PPP2R5E: variants seen among roughly 807,000 people sequenced by gnomAD.
PPP2R5E encodes the protein serine/threonine-protein phosphatase 2A 56 kDa regulatory subunit epsilon isoform.
Under a neutral mutation model 65.3 loss-of-function variants are expected in PPP2R5E, and 4 were observed. The ratio of observed to expected loss-of-function variants is 0.06; its 90% CI spans 0.03 to 0.14. The LOEUF (loss-of-function observed/expected upper bound fraction) is 0.14, where lower values mean the gene tolerates loss of function less well. Ranked by LOEUF, PPP2R5E falls within the 10% of genes least tolerant of loss-of-function variation. The pLI is 1.00. For missense variants in PPP2R5E, 274 were observed against 556.1 expected, an observed-to-expected ratio of 0.49 and a Z score of 5.10; for synonymous variants, 183 against 187.4, an observed-to-expected ratio of 0.98 and a Z score of 0.19.
chr14:63,373,028 T>A lies in PPP2R5E; in HGVS notation c.*2981A>T, dbSNP rs1250046826. 1.3e-5 allele frequency: 2 copies of A among 152,154 alleles called. No homozygotes were observed. The highest frequency in any genetic ancestry group is 4.8e-5 in the African/African-American group (2 of 41,434). The allele number at this position is 152,154 out of a possible 1,614,324, so 9.4% of individuals were successfully genotyped here. A position where few individuals can be genotyped will look rare whatever the true frequency, so the allele number is the denominator to read the frequency against. ...AACACTGAAGGAAAACAACTGGGGA[T>A]ACTTCACAATGAGAAACAGGAATGC... On this transcript the variant is annotated 3_prime_UTR_variant, in exon 14 of 14. Coordinates refer to ENST00000337537, the MANE Select transcript of PPP2R5E (RefSeq NM_006246.5).
At chr14:63,461,581 A>G (rs1301603235) in intron 2 of PPP2R5E, among the ~76,000 whole-genome samples, 1 of 151,698 alleles carries the variant, frequency 6.6e-6, no homozygotes, top group Admixed American at 6.6e-5. Flanking sequence ...GGATCGTTTA[A>G]AAGCCAGGTG....
rs1440825657 is a variant in PPP2R5E, at chr14:63,373,257, A to T, written c.*2752T>A. ...TCACTAACTACAATATTTGCTATTTAAAAAATATATTTATATATAGTTCTG... is the reference window on the plus strand; with the variant it reads ...TCACTAACTACAATATTTGCTATTTTAAAAATATATTTATATATAGTTCTG... On this transcript the variant is annotated 3_prime_UTR_variant, in exon 14 of 14. Transcript: ENST00000337537. 1 of 152,238 alleles carries T rather than the reference A, an allele frequency of 6.6e-6. No individual in the cohort carries two copies. Among genetic ancestry groups the T allele is most frequent in the Non-Finnish European group, 1.5e-5 (1 of 68,048 alleles). The allele number at this position is 152,238 out of a possible 1,614,324, so 9.4% of individuals were successfully genotyped here.
intron 4 of PPP2R5E, among the ~76,000 whole-genome samples, chr14:63,416,113 T>A (rs1334406491): frequency 6.6e-6 from 1 of 152,206 alleles, no homozygotes; most frequent in African/African-American, 2.4e-5. Context: ...AATAAGCCTA[T>A]GTCAAAGGCT....
chr14:63,407,735 A>G (rs1175089065), intron 5 of PPP2R5E, among the ~76,000 whole-genome samples: 1 of 152,170 alleles, frequency 6.6e-6, no homozygotes, highest in Non-Finnish European at 1.5e-5. Flanking sequence ...CTCCAATGAA[A>G]CAGTGTTGGG....
intron 2 of PPP2R5E, among the ~76,000 whole-genome samples, chr14:63,533,553 C>T (rs1403569128): frequency 6.6e-6 from 1 of 151,888 alleles, no homozygotes; most frequent in African/African-American, 2.4e-5. Flanking sequence ...AAGAGCTAAA[C>T]TCCGTCTAGT....
chr14:63,463,916 A>C (rs1433361874), intron 2 of PPP2R5E, among the ~76,000 whole-genome samples: 1 of 152,180 alleles, frequency 6.6e-6, no homozygotes, highest in Non-Finnish European at 1.5e-5. Flanking sequence ...TTTAAAATAA[A>C]CAGAATGGTT....
chr14:63,429,570 T>A (rs1887512794), intron 3 of PPP2R5E, among the ~76,000 whole-genome samples: 2 of 152,262 alleles, frequency 1.3e-5, no homozygotes, highest in African/African-American at 4.8e-5. Flanking sequence ...TAATTCATTA[T>A]GCATTAGAAA....
rs578202083 is a variant in PPP2R5E at position 63,390,075 on chromosome 14, C to CT, written c.955-345dup. ...GTAATCCAGCTCTCTTTCCACAACA[C>CT]TTTTTTTTTTAAAAAAAACAATGAG... On this transcript the variant is annotated intron_variant, in intron 10 of 13. Coordinates refer to ENST00000337537, the MANE Select transcript of PPP2R5E (RefSeq NM_006246.5). 1.0e-3 allele frequency among the ~76,000 whole-genome samples: 151 copies of CT among 149,398 alleles called. No homozygotes were observed. The Middle Eastern group carries it at 0.014, about 14-fold the overall frequency.
chr14:63,438,655 T>G (rs1019603669), intron 3 of PPP2R5E, among the ~76,000 whole-genome samples: 7 of 152,158 alleles, frequency 4.6e-5, no homozygotes, highest in African/African-American at 1.7e-4. Flanking sequence ...CAATTTTAAG[T>G]ATATTAAAAA....
At chr14:63,407,056 T>C (rs776379126) in intron 5 of PPP2R5E, among the ~76,000 whole-genome samples, 9 of 152,212 alleles carry the variant, frequency 5.9e-5, no homozygotes, top group Admixed American at 5.9e-4. Context: ...ATATGAACCA[T>C]GTGTTGGGAA....
Position 63,433,328 on chromosome 14 carries a change from G to A in PPP2R5E, c.355-11234C>T, listed in dbSNP as rs151121566. 3.7e-3 allele frequency among the ~76,000 whole-genome samples: 565 copies of A among 152,132 alleles called. 6 individuals carry two copies. Among genetic ancestry groups the A allele is most frequent in the African/African-American group, 0.013 (519 of 41,504 alleles). Reference sequence around the variant, plus strand: ...ATTGGGACTACAGGAGTGAGCCACTGTCTACAGTCATATTTAAAATAGGGG... The same window carrying A: ...ATTGGGACTACAGGAGTGAGCCACTATCTACAGTCATATTTAAAATAGGGG... On this transcript the variant is annotated intron_variant, in intron 3 of 13. Transcript: ENST00000337537.
chr14:63,479,236 C>G (rs997051246), intron 2 of PPP2R5E: 2 of 152,160 alleles, frequency 1.3e-5, no homozygotes, highest in African/African-American at 4.8e-5. Flanking sequence ...TCTGAGCTCT[C>G]TGGAAGATTA....
At chr14:63,496,068 T>TG (rs1566743848) in intron 2 of PPP2R5E, among the ~76,000 whole-genome samples, 1 of 152,152 alleles carries the variant, frequency 6.6e-6, no homozygotes, top group East Asian at 1.9e-4. Flanking sequence ...TTTTACATAT[T>TG]AAGTGTTGAA....
rs1422901164 is a variant in PPP2R5E, at chr14:63,373,823, A to G, written c.*2186T>C. 2 of 152,220 alleles carry G rather than the reference A, an allele frequency of 1.3e-5. No homozygotes were observed. 9.4% of individuals were successfully genotyped at this position (152,220 alleles called of 1,614,324 possible). On this transcript the variant is annotated 3_prime_UTR_variant, in exon 14 of 14. Coordinates refer to ENST00000337537, the MANE Select transcript of PPP2R5E (RefSeq NM_006246.5). Reference sequence around the variant, plus strand: ...ATGAATTAATGGCAAACAAAAGTTTACACTATATAAACTAAATATAATGCA... The same window carrying G: ...ATGAATTAATGGCAAACAAAAGTTTGCACTATATAAACTAAATATAATGCA...
intron 2 of PPP2R5E, among the ~76,000 whole-genome samples, chr14:63,478,839 T>C (rs1008356363): frequency 5.9e-5 from 9 of 152,088 alleles, no homozygotes; most frequent in Admixed American, 1.3e-4. Context: ...AAAGAAATCA[T>C]TGGCCGGGTA....
intron 2 of PPP2R5E, among the ~76,000 whole-genome samples, chr14:63,474,833 C>T (rs75510520): frequency 2.1e-4 from 32 of 152,214 alleles, no homozygotes; most frequent in African/African-American, 5.1e-4. Context: ...AACTCACCTA[C>T]GGCAAGAGTG....
rs1883819187 is a variant in PPP2R5E, at chr14:63,373,702, G to T, written c.*2307C>A. ...TGAAGACAGGGTAAGGTACAAAAAA[G>T]GATCCTGGCCTTTCTCATTTCAAAT... On this transcript the variant is annotated 3_prime_UTR_variant, in exon 14 of 14. Transcript: ENST00000337537. The T allele has an allele frequency of 6.6e-6, 1 of 152,146 alleles. No homozygotes were observed. Among genetic ancestry groups the T allele is most frequent in the Admixed American group, 6.5e-5 (1 of 15,270 alleles). 9.4% of individuals were successfully genotyped at this position (152,146 alleles called of 1,614,324 possible).
At chr14:63,391,917 C>G (rs765723703) in intron 9 of PPP2R5E, 50 bp from the exon 10 acceptor site, 102 of 1,606,090 alleles carry the variant, frequency 6.4e-5, no homozygotes, top group Non-Finnish European at 8.4e-5. Context: ...TTCATATATA[C>G]TTCTGGGAAA....
At chr14:63,520,059 G>A (rs981056611) in intron 2 of PPP2R5E, among the ~76,000 whole-genome samples, 5 of 150,690 alleles carry the variant, frequency 3.3e-5, no homozygotes, top group East Asian at 2.0e-4. Context: ...TTTTTGAAAC[G>A]GAGTCTCGCT....
Sources: allele counts gnomAD v4.1 joint callset (sites outside exome capture counted in the v4.1 genomes callset), GRCh38; gene constraint gnomAD v4.1.1; transcripts MANE v1.5; gene names NCBI Gene and HGNC (gene_info 2026-07-23, HGNC 2026-07-21).